TRPM3: variants seen among roughly 807,000 people sequenced by gnomAD.
TRPM3 encodes transient receptor potential cation channel subfamily M member 3, also known as long transient receptor potential channel 3.
TRPM3 carries 77 observed loss-of-function variants against 181.2 expected under a neutral mutation model. The observed-to-expected ratio is 0.42, with a 90% CI of 0.35 to 0.51. TRPM3 has a LOEUF of 0.51. TRPM3 is among the 20% of genes least tolerant of loss of function. The probability of loss-of-function intolerance (pLI) is 0.01; values close to 1 mark genes in which losing one functional copy is unlikely to be tolerated. For synonymous variants in TRPM3, 745 were observed against 796.4 expected (o/e 0.94, Z 1.09); for missense variants, 1,759 against 2,196.7 (o/e 0.80, Z 3.98).
chr9:71,311,808 TATAAAA>T (rs1257179526), intron 1 of TRPM3, among the ~76,000 whole-genome samples: 3 of 151,724 alleles, frequency 2.0e-5, no homozygotes, highest in African/African-American at 7.3e-5. Flanking sequence ...ATAAAATAAA[TATAAAA>T]ATAAAAAAAC....
At chr9:70,893,716 C>T (rs769783240) in intron 1 of TRPM3, among the ~76,000 whole-genome samples, 8 of 152,056 alleles carry the variant, frequency 5.3e-5, no homozygotes, top group Non-Finnish European at 1.2e-4. Context: ...AAATCCAACA[C>T]GTGGCGAGAT....
chr9:70,918,932 T>C (rs1411828208), intron 1 of TRPM3, among the ~76,000 whole-genome samples: 3 of 152,152 alleles, frequency 2.0e-5, no homozygotes, highest in Non-Finnish European at 4.4e-5. Flanking sequence ...CCATTATTTT[T>C]GATAAGTGGG....
At chr9:71,293,231 T>C (rs2132278549) in intron 1 of TRPM3, among the ~76,000 whole-genome samples, 1 of 151,882 alleles carries the variant, frequency 6.6e-6, no homozygotes, top group African/African-American at 2.4e-5. Flanking sequence ...CCCTTTGAAA[T>C]GACACACAGA....
chr9:70,850,213 C>G (rs1009350116), intron 3 of TRPM3, among the ~76,000 whole-genome samples: 3 of 152,110 alleles, frequency 2.0e-5, no homozygotes, highest in Admixed American at 6.6e-5. Context: ...TGCACCAACT[C>G]TCATGCAGAG....
At chr9:70,909,021 C>T (rs2133117700) in intron 1 of TRPM3, among the ~76,000 whole-genome samples, 1 of 152,264 alleles carries the variant, frequency 6.6e-6, no homozygotes, top group East Asian at 1.9e-4. Context: ...GGTAATAAAG[C>T]ATCTTTATTT....
intron 25 of TRPM3, among the ~76,000 whole-genome samples, chr9:70,543,988 G>A (rs181675171): frequency 1.5e-3 from 231 of 152,266 alleles, no homozygotes; most frequent in African/African-American, 5.4e-3. Context: ...ACTTATTCAG[G>A]ATGAATTTTA....
chr9:71,170,068 A>G (rs2076774357), intron 1 of TRPM3, among the ~76,000 whole-genome samples: 2 of 151,870 alleles, frequency 1.3e-5, no homozygotes, highest in South Asian at 4.1e-4. Flanking sequence ...TTCCAGTGGC[A>G]ACTAGGAAAG....
intron 1 of TRPM3, among the ~76,000 whole-genome samples, chr9:71,086,472 T>C (rs1452404761): frequency 6.6e-6 from 1 of 152,002 alleles, no homozygotes; most frequent in East Asian, 1.9e-4. Flanking sequence ...TGCTTAGATT[T>C]AGATGCCCAT....
Position 71,418,813 on chromosome 9 carries a change from C to CTATATATA in TRPM3, c.183+27832_183+27839dup, listed in dbSNP as rs67074520. ...CATCCTTTGAGATACTATATATATA[C>CTATATATA]TATATATATATATATCCTTTGAGAT... On this transcript the variant is annotated intron_variant, in intron 1 of 24. Coordinates refer to the TRPM3 transcript ENST00000357533. 8.0e-3 allele frequency among the ~76,000 whole-genome samples: 904 copies of CTATATATA among 113,116 alleles called. 10 individuals are homozygous for CTATATATA. Among genetic ancestry groups the CTATATATA allele is most frequent in the Middle Eastern group, 0.014 (3 of 218 alleles). 74.2% of individuals were successfully genotyped at this position (113,116 alleles called of 152,430 possible).
chr9:70,873,266 C>T (rs1186508593), intron 1 of TRPM3, among the ~76,000 whole-genome samples: 1 of 151,798 alleles, frequency 6.6e-6, no homozygotes, highest in African/African-American at 2.4e-5. Flanking sequence ...TGCCGTTGGC[C>T]TACAAAATTA....
At chr9:70,787,488 A>G (rs1044771366) in intron 6 of TRPM3, among the ~76,000 whole-genome samples, 3 of 152,144 alleles carry the variant, frequency 2.0e-5, no homozygotes, top group African/African-American at 4.8e-5. Context: ...GCCTAAAACT[A>G]TCATGCTTAT....
intron 25 of TRPM3, among the ~76,000 whole-genome samples, chr9:70,540,661 C>T (rs1458420657): frequency 6.6e-6 from 1 of 152,234 alleles, no homozygotes; most frequent in East Asian, 1.9e-4. Flanking sequence ...GACTGTGCCC[C>T]AGCACTACAG....
intron 12 of TRPM3, among the ~76,000 whole-genome samples, chr9:70,632,263 C>A (rs2065989537): frequency 6.6e-6 from 1 of 152,160 alleles, no homozygotes. Context: ...CTGAAACCAC[C>A]TGAAAATTGC....
At chr9:71,319,418 A>C (rs1175333128) in intron 1 of TRPM3, among the ~76,000 whole-genome samples, 4 of 152,176 alleles carry the variant, frequency 2.6e-5, no homozygotes, top group Non-Finnish European at 5.9e-5. Flanking sequence ...CCCAAGAGCC[A>C]GGAGCATCAG....
At chr9:70,644,286 G>C (rs561696252) in intron 9 of TRPM3, among the ~76,000 whole-genome samples, 1 of 152,212 alleles carries the variant, frequency 6.6e-6, no homozygotes, top group East Asian at 1.9e-4. Flanking sequence ...GGGTATGTGG[G>C]ACCTATGCTT....
rs775079426 is a variant in TRPM3, at chr9:70,863,092, A to G, written c.278T>C (p.Ile93Thr). 7.4e-6 allele frequency: 12 copies of G among 1,613,276 alleles called. No individual in the cohort carries two copies. Among genetic ancestry groups the G allele is most frequent in the South Asian group, 5.5e-5 (5 of 91,050 alleles). Residue 93 changes from isoleucine to threonine, a missense_variant, in exon 3 of 26, where the codon ATA (isoleucine) becomes ACA (threonine). This residue lies in a region of TRPM3 where 737 missense variants were observed against 957.4 expected (regional missense o/e 0.77). Transcript: ENST00000677713. ...DPHRCCCGRL[I>T]GQHVGLTPSI... ...GGGGGTGAGGCCAACATGCTGGCCT[A>G]TCAGACGCCCACAGCAACACCTATA... is the stretch of plus-strand genomic sequence containing the variant.
intron 1 of TRPM3, among the ~76,000 whole-genome samples, chr9:71,267,645 CT>C (rs2083480572): frequency 6.6e-6 from 1 of 152,186 alleles, no homozygotes; most frequent in South Asian, 2.1e-4. Context: ...AAGACATATT[CT>C]TTTTGAGTGA....
intron 1 of TRPM3, among the ~76,000 whole-genome samples, chr9:71,139,496 CG>C (rs535261486): frequency 6.6e-6 from 1 of 152,120 alleles, no homozygotes; most frequent in East Asian, 1.9e-4. Flanking sequence ...AAAACAGAGT[CG>C]GGGTTGGATA....
intron 1 of TRPM3, among the ~76,000 whole-genome samples, chr9:71,356,275 T>C (rs1365618110): frequency 6.6e-6 from 1 of 152,182 alleles, no homozygotes; most frequent in African/African-American, 2.4e-5. Flanking sequence ...GTCTGTGGTA[T>C]GGATTATTTC....
Sources: allele counts gnomAD v4.1 joint callset (sites outside exome capture counted in the v4.1 genomes callset), GRCh38; gene constraint gnomAD v4.1.1; regional missense constraint gnomAD v4.1.1; transcripts MANE v1.5; gene names NCBI Gene and HGNC (gene_info 2026-07-23, HGNC 2026-07-21).